TPD52L2: variants seen among roughly 807,000 people sequenced by gnomAD.
TPD52L2 encodes the protein TPD52 like 2.
Under a neutral mutation model 24.7 loss-of-function variants are expected in TPD52L2, and 19 were observed. The observed-to-expected ratio is 0.77, with a 90% CI of 0.54 to 1.13. The LOEUF (loss-of-function observed/expected upper bound fraction) is 1.13, where lower values mean the gene tolerates loss of function less well. TPD52L2 is among the 50% of genes most tolerant of loss of function. The pLI is 0.00. For synonymous variants in TPD52L2, 104 were observed against 100.2 expected (o/e 1.04, Z -0.23); for missense variants, 236 against 250.4 (o/e 0.94, Z 0.39).
At chr20:63,881,593 C>T (rs1272601864) in intron 4 of TPD52L2, among the ~76,000 whole-genome samples, 10 of 152,072 alleles carry the variant, frequency 6.6e-5, no homozygotes, top group East Asian at 1.9e-4. Context: ...GACCTGGTGC[C>T]GCCAGTGGGA....
intron 5 of TPD52L2, among the ~76,000 whole-genome samples, chr20:63,886,507 G>T (rs549807632): frequency 6.6e-6 from 1 of 151,610 alleles, no homozygotes; most frequent in African/African-American, 2.4e-5. Context: ...GACTACAGGC[G>T]CCCGCCGCCA....
intron 4 of TPD52L2, among the ~76,000 whole-genome samples, chr20:63,882,476 T>C (rs1188342445): frequency 1.3e-5 from 2 of 152,176 alleles, no homozygotes; most frequent in Non-Finnish European, 2.9e-5. Flanking sequence ...GGGCCGAGAC[T>C]CGGCAGGGTC....
chr20:63,882,821 G>A lies in TPD52L2; in HGVS notation c.476+1G>A, dbSNP rs1200164247. ...TCAGCAGGAAGCTTGGAGACATGAG[G>A]TGAGACGCAACCCTGACTCTGCTGC... On this transcript the variant is annotated splice_donor_variant, in intron 5 of 6. Transcript: ENST00000346249. LOFTEE classifies it high-confidence loss of function. 2 of 1,609,344 alleles carry A rather than the reference G, an allele frequency of 1.2e-6. No homozygotes were observed. Among genetic ancestry groups the A allele is most frequent in the Non-Finnish European group, 8.5e-7 (1 of 1,177,236 alleles).
At chr20:63,883,776 TG>T (rs1234193937) in intron 5 of TPD52L2, among the ~76,000 whole-genome samples, 2 of 148,492 alleles carry the variant, frequency 1.3e-5, no homozygotes, top group Non-Finnish European at 3.0e-5. Flanking sequence ...TCCCCTCTTG[TG>T]GCCCCTGCAG....
At chr20:63,869,517 T>C in intron 2 of TPD52L2, 76 bp downstream of exon 2, 3 of 1,579,260 alleles carry the variant, frequency 1.9e-6, no homozygotes, top group African/African-American at 1.3e-5. Flanking sequence ...GCCAGGGTAC[T>C]GGCCACGCTC....
At chr20:63,878,815 G>T (rs1600815228) in intron 4 of TPD52L2, among the ~76,000 whole-genome samples, 1 of 152,254 alleles carries the variant, frequency 6.6e-6, no homozygotes. Flanking sequence ...CCAAATGGGT[G>T]CTGGCTGGGG....
chr20:63,869,295 G>A lies in TPD52L2; in HGVS notation c.20-1G>A. The A allele has an allele frequency of 6.2e-7, 1 of 1,614,114 alleles. No homozygotes were observed. The highest frequency in any genetic ancestry group is 1.1e-5 in the South Asian group (1 of 91,080). On this transcript the variant is annotated splice_acceptor_variant, in intron 1 of 6. Transcript: ENST00000346249. LOFTEE classifies it high-confidence loss of function. ...TTGTGGCCTCATTTTGTCTCTGGCAGATATCAACCTGAATTCTCCTAACAA... is the reference window on the plus strand; with the variant it reads ...TTGTGGCCTCATTTTGTCTCTGGCAAATATCAACCTGAATTCTCCTAACAA...
chr20:63,869,858 C>T (rs2052394725), intron 2 of TPD52L2, among the ~76,000 whole-genome samples: 2 of 152,234 alleles, frequency 1.3e-5, no homozygotes, highest in Admixed American at 1.3e-4. Flanking sequence ...GATGCAGTGG[C>T]TCATGCCTGT....
rs781412686 is a variant in TPD52L2 at position 63,877,316 on chromosome 20, C to T, written c.374+1441C>T. 4.8e-5 allele frequency: 13 copies of T among 269,862 alleles called. No individual in the cohort carries two copies. Among genetic ancestry groups the T allele is most frequent in the Non-Finnish European group, 7.3e-5 (10 of 137,362 alleles). 16.7% of individuals were successfully genotyped at this position (269,862 alleles called of 1,614,324 possible). A position where few individuals can be genotyped will look rare whatever the true frequency, so the allele number is the denominator to read the frequency against. On this transcript the variant is annotated intron_variant, in intron 4 of 6. Transcript: ENST00000346249. This position sits in a 1 kb window ranked among gnomAD's most constrained non-coding sequence, Gnocchi z 4.1. ...CTGGGACTACAGGCGCCCACCACCA[C>T]GCCCGGCTAATTTTTTGTATTTTTA...
At chr20:63,876,381 G>T (rs1017669848) in intron 4 of TPD52L2, among the ~76,000 whole-genome samples, 2 of 152,166 alleles carry the variant, frequency 1.3e-5, no homozygotes, top group African/African-American at 2.4e-5. Flanking sequence ...AAATCCTCAC[G>T]ATCTGGGAGG....
intron 4 of TPD52L2, among the ~76,000 whole-genome samples, chr20:63,878,881 T>A (rs1470180174): frequency 6.6e-6 from 1 of 152,212 alleles, no homozygotes; most frequent in East Asian, 1.9e-4. Context: ...GTGCAGATGC[T>A]GGCTCTGACC....
At chr20:63,866,896 C>T (rs1160160374) in intron 1 of TPD52L2, among the ~76,000 whole-genome samples, 4 of 151,652 alleles carry the variant, frequency 2.6e-5, no homozygotes, top group Non-Finnish European at 5.9e-5. Flanking sequence ...GTCAGCCTCC[C>T]AGGTAGCTGG....
chr20:63,890,148 AC>A lies in TPD52L2; in HGVS notation c.*204del. ...GCTTGTACACAGATGTTTTACACTC[AC>A]GTTTGTAGATGAAACAGATCACTGT... On this transcript the variant is annotated 3_prime_UTR_variant, in exon 7 of 7. Transcript: ENST00000346249. The A allele has an allele frequency of 3.4e-6, 4 of 1,190,902 alleles. No individual in the cohort carries two copies. In the South Asian group the frequency reaches 4.6e-5, roughly 14 times the overall value. The allele number at this position is 1,190,902 out of a possible 1,614,324, so 73.8% of individuals were successfully genotyped here.
chr20:63,873,468 G>A (rs1401627404), intron 2 of TPD52L2, among the ~76,000 whole-genome samples, 200 bp from the exon 3 acceptor site: 79 of 149,316 alleles, frequency 5.3e-4, no homozygotes, highest in African/African-American at 1.7e-3. Context: ...CAGCCTGGGC[G>A]ACGAGCGAAA....
chr20:63,887,332 C>T (rs1432544457), intron 5 of TPD52L2: 6 of 640,488 alleles, frequency 9.4e-6, no homozygotes, highest in East Asian at 8.1e-5. Flanking sequence ...GCAGTGCTCT[C>T]CCCCCTCCCA....
chr20:63,889,487 C>T (rs1400693338), intron 6 of TPD52L2, among the ~76,000 whole-genome samples: 1 of 107,582 alleles, frequency 9.3e-6, no homozygotes, highest in Non-Finnish European at 2.0e-5. Flanking sequence ...CCTTCCTGGT[C>T]CCCACTGCCC....
rs1025339592 is a variant in TPD52L2, at chr20:63,890,338, T to C, written c.*393T>C. The C allele has an allele frequency of 3.9e-5, 10 of 253,348 alleles. No homozygotes were observed. The highest frequency in any genetic ancestry group is 2.0e-4 in the African/African-American group (9 of 44,896). 15.7% of individuals were successfully genotyped at this position (253,348 alleles called of 1,614,324 possible). ...GTGGCATTTTCTGACTTCTTCCTCC[T>C]CCTCCTTCCCTGACTCACAGAAGGA... On this transcript the variant is annotated 3_prime_UTR_variant, in exon 7 of 7. Coordinates refer to ENST00000346249, the MANE Select transcript of TPD52L2 (RefSeq NM_003288.4).
chr20:63,878,331 G>T (rs1202379347), intron 4 of TPD52L2, among the ~76,000 whole-genome samples: 1 of 152,254 alleles, frequency 6.6e-6, no homozygotes, highest in African/African-American at 2.4e-5. Flanking sequence ...GCTGTGTTCT[G>T]CGAGTGGTGA....
At position 63,887,244 on chromosome 20, in the gene TPD52L2, C is replaced by T. The variant is rs1600840533; in HGVS notation, c.477-1946C>T. 3.8e-5 allele frequency: 18 copies of T among 476,202 alleles called. No individual in the cohort carries two copies. The South Asian group carries it at 3.9e-4, about 10-fold the overall frequency. The allele number at this position is 476,202 out of a possible 1,614,324, so 29.5% of individuals were successfully genotyped here. On this transcript the variant is annotated intron_variant, in intron 5 of 6. Transcript: ENST00000346249. ...GGTGGTTTCTCTTTTGCCAAAAGGT[C>T]CTTACTTGACTTCTGAAGGCTGTTT...
Sources: gnomAD v4.1 joint callset for allele counts (sites outside exome capture counted in the v4.1 genomes callset) on GRCh38, gnomAD v4.1.1 for gene constraint, Gnocchi (gnomAD v3.1) non-coding constraint, MANE v1.5 for transcripts, NCBI Gene and HGNC (gene_info 2026-07-23, HGNC 2026-07-21) for gene names.